Variants in RBFOX2 observed in about 807,000 individuals in gnomAD.
RBFOX2 encodes the protein RNA binding protein fox-1 homolog 2.
A neutral mutation model predicts 49.1 loss-of-function variants in RBFOX2; 10 were observed. The observed-to-expected ratio is 0.20, with a 90% CI of 0.13 to 0.35. The LOEUF is 0.35. RBFOX2 is among the 10% of genes least tolerant of loss of function. The pLI, the probability that RBFOX2 is intolerant of heterozygous loss-of-function variation, is 1.00. For synonymous variants in RBFOX2, 183 were observed against 187.4 expected, an observed-to-expected ratio of 0.98 and a Z score of 0.19; for missense variants, 323 against 486.9, an observed-to-expected ratio of 0.66 and a Z score of 3.17.
chr22:35,977,111 T>C (rs916414529), intron 1 of RBFOX2, among the ~76,000 whole-genome samples: 1 of 151,212 alleles, frequency 6.6e-6, no homozygotes, highest in African/African-American at 2.4e-5. Flanking sequence ...TTTAGGAAAA[T>C]ACAAATTGAA....
At chr22:36,021,372 C>T (rs1046426977) in intron 1 of RBFOX2, among the ~76,000 whole-genome samples, 4 of 151,684 alleles carry the variant, frequency 2.6e-5, no homozygotes, top group South Asian at 2.1e-4. Context: ...GTTGTGCACA[C>T]GTACCCTAGA....
chr22:35,994,676 A>C (rs920077227), intron 1 of RBFOX2: 3 of 152,046 alleles, frequency 2.0e-5, no homozygotes, highest in East Asian at 1.9e-4. Flanking sequence ...AAAGTGCTGG[A>C]ATTACAAGCG....
chr22:35,884,359 A>C (rs1452505171), intron 1 of RBFOX2, among the ~76,000 whole-genome samples: 1 of 152,130 alleles, frequency 6.6e-6, no homozygotes, highest in African/African-American at 2.4e-5. Flanking sequence ...AGCATTTATT[A>C]TCTCAGTTTA....
chr22:35,839,500 G>T (rs1958344451), intron 1 of RBFOX2, among the ~76,000 whole-genome samples: 1 of 152,060 alleles, frequency 6.6e-6, no homozygotes, highest in Non-Finnish European at 1.5e-5. Flanking sequence ...GACAGAGGGA[G>T]GAGAGGTATC....
intron 1 of RBFOX2, among the ~76,000 whole-genome samples, chr22:35,887,978 A>G (rs2046796274): frequency 6.6e-6 from 1 of 151,982 alleles, no homozygotes. Context: ...CTTTTTCACT[A>G]TTACTCCTTC....
chr22:35,857,927 T>C (rs2042689716), intron 1 of RBFOX2, among the ~76,000 whole-genome samples: 1 of 152,238 alleles, frequency 6.6e-6, no homozygotes, highest in African/African-American at 2.4e-5. Flanking sequence ...TCACATCCTT[T>C]ATACTAGGGA....
At chr22:35,840,658 AG>A (rs1958613233), upstream of RBFOX2, 4 of 887,272 alleles carry the variant, frequency 4.5e-6, no homozygotes, top group African/African-American at 2.6e-5. Context: ...GTGTGTGTGT[AG>A]GGGGGAGGAG....
chr22:35,761,698 T>C (rs189547878), intron 6 of RBFOX2, among the ~76,000 whole-genome samples: 38 of 152,032 alleles, frequency 2.5e-4, no homozygotes, highest in African/African-American at 9.2e-4. Flanking sequence ...GTCATGATGT[T>C]GGGAGGAGGA....
In RBFOX2 at chr22:35,762,237, TTTC is replaced by T. The variant is rs1272363032; in HGVS notation, c.608-772_608-770del. ...AACATTATGTTTAATGTCAACTTTA[TTTC>T]TTCTTTCCCTTTTTTATATTTATAG... On this transcript the variant is annotated intron_variant, in intron 6 of 11. Transcript: ENST00000405409. 5.3e-5 allele frequency among the ~76,000 whole-genome samples: 8 copies of T among 152,296 alleles called. No homozygotes were observed. In the South Asian group the frequency reaches 6.2e-4, roughly 12 times the overall value.
upstream of RBFOX2, among the ~76,000 whole-genome samples, chr22:35,942,752 A>G (rs2053834356): frequency 6.6e-6 from 1 of 151,800 alleles, no homozygotes; most frequent in East Asian, 1.9e-4. Flanking sequence ...AACTAAATGC[A>G]TCGAAAATAT....
At chr22:35,906,586 T>C (rs1452468790) in intron 1 of RBFOX2, among the ~76,000 whole-genome samples, 1 of 152,180 alleles carries the variant, frequency 6.6e-6, no homozygotes, top group East Asian at 1.9e-4. Flanking sequence ...TTTCTGGGGC[T>C]GAGGCAGGCA....
chr22:35,950,050 A>C (rs148497375), intron 1 of RBFOX2, among the ~76,000 whole-genome samples: 4 of 149,260 alleles, frequency 2.7e-5, no homozygotes, highest in African/African-American at 9.8e-5. Context: ...TTTAGCTCTT[A>C]TGTTTAGGTC....
chr22:35,903,570 AAT>A (rs895860585), intron 1 of RBFOX2, among the ~76,000 whole-genome samples: 1 of 152,182 alleles, frequency 6.6e-6, no homozygotes, highest in African/African-American at 2.4e-5. Context: ...CCCATGCTCC[AAT>A]ATGACTACTT....
intron 1 of RBFOX2, among the ~76,000 whole-genome samples, chr22:35,849,781 G>A (rs1166777082): frequency 6.6e-6 from 1 of 152,128 alleles, no homozygotes; most frequent in African/African-American, 2.4e-5. Flanking sequence ...TGATGAAGTC[G>A]GAGCTTGGTT....
chr22:35,775,599 G>A (rs980122827), intron 4 of RBFOX2, among the ~76,000 whole-genome samples: 4 of 152,070 alleles, frequency 2.6e-5, no homozygotes, highest in African/African-American at 9.7e-5. Flanking sequence ...CAGCACTGTG[G>A]GAAGCCAAGG....
chr22:35,825,325 G>T (rs1955424440), intron 1 of RBFOX2, among the ~76,000 whole-genome samples: 4 of 151,920 alleles, frequency 2.6e-5, no homozygotes, highest in Admixed American at 2.6e-4. Context: ...CAAGGGTTTG[G>T]CCAAAGGTGG....
chr22:35,861,495 AT>A (rs1190517275), intron 1 of RBFOX2, among the ~76,000 whole-genome samples: 11 of 152,314 alleles, frequency 7.2e-5, no homozygotes, highest in African/African-American at 1.7e-4. Flanking sequence ...GGCAAAAAAA[AT>A]GAACACCTGA....
At chr22:35,775,419 G>A (rs1195746101) in intron 4 of RBFOX2, among the ~76,000 whole-genome samples, 1 of 152,170 alleles carries the variant, frequency 6.6e-6, no homozygotes, top group Non-Finnish European at 1.5e-5. Flanking sequence ...AAAGAAAAAT[G>A]GGGCAGTGAG....
At chr22:35,840,277 A>G in exon 1 of RBFOX2, 1 of 1,613,690 alleles carries the variant, frequency 6.2e-7, no homozygotes, top group Admixed American at 1.7e-5. Context: ...ACACCTCCAC[A>G]GCTTTCTTTT....
Sources: allele counts gnomAD v4.1 joint callset (sites outside exome capture counted in the v4.1 genomes callset), GRCh38; gene constraint gnomAD v4.1.1; transcripts MANE v1.5; gene names NCBI Gene and HGNC (gene_info 2026-07-23, HGNC 2026-07-21).